Variants in SYBU observed in about 807,000 individuals in gnomAD.
SYBU encodes GOLSYN A protein.
Under a neutral mutation model 35.9 loss-of-function variants are expected in SYBU, and 21 were observed. The ratio of observed to expected loss-of-function variants is 0.58; its 90% confidence interval spans 0.41 to 0.84. The LOEUF (loss-of-function observed/expected upper bound fraction) is 0.84. Among genes scored for constraint, SYBU ranks in the 40% least tolerant of loss-of-function variants. SYBU has a pLI of 0.00. For synonymous variants in SYBU, 319 were observed against 324.3 expected (o/e 0.98, Z 0.18); for missense variants, 768 against 848.2 (o/e 0.91, Z 1.17).
At chr8:109,652,170 A>C (rs972823975) in intron 1 of SYBU, among the ~76,000 whole-genome samples, 1 of 152,250 alleles carries the variant, frequency 6.6e-6, no homozygotes, top group African/African-American at 2.4e-5. Flanking sequence ...GTGTGTTTGC[A>C]TGAGATCTGG....
At chr8:109,689,189 T>C (rs1817588171) in intron 1 of SYBU, among the ~76,000 whole-genome samples, 1 of 152,186 alleles carries the variant, frequency 6.6e-6, no homozygotes, top group Non-Finnish European at 1.5e-5. Context: ...GTAAAGATAG[T>C]ACAGAGAGAT....
upstream of SYBU, among the ~76,000 whole-genome samples, chr8:109,684,089 A>G (rs1817465291): frequency 6.6e-6 from 1 of 152,188 alleles, no homozygotes; most frequent in African/African-American, 2.4e-5. Flanking sequence ...CTAATGCATA[A>G]CTTTATTATT....
At chr8:109,613,932 C>A (rs1811463825) in intron 3 of SYBU, among the ~76,000 whole-genome samples, 1 of 152,194 alleles carries the variant, frequency 6.6e-6, no homozygotes, top group South Asian at 2.1e-4. Flanking sequence ...TTAGCTAGGT[C>A]TCCAATTTCA....
intron 1 of SYBU, among the ~76,000 whole-genome samples, chr8:109,672,809 G>A (rs1454351812): frequency 6.6e-6 from 1 of 152,214 alleles, no homozygotes; most frequent in Non-Finnish European, 1.5e-5. Flanking sequence ...CAGCACAGCA[G>A]TCTGAAGTCA....
At chr8:109,596,414 T>A (rs746157328) in intron 3 of SYBU, among the ~76,000 whole-genome samples, 14 of 152,174 alleles carry the variant, frequency 9.2e-5, no homozygotes, top group Non-Finnish European at 1.6e-4. Flanking sequence ...CACCAATCCA[T>A]CACAAAAACT....
At chr8:109,639,767 C>A (rs532383553) in intron 2 of SYBU, among the ~76,000 whole-genome samples, 2 of 152,282 alleles carry the variant, frequency 1.3e-5, no homozygotes, top group East Asian at 3.9e-4. Context: ...TGGATTAAAA[C>A]GAGCGATTTC....
intron 2 of SYBU, among the ~76,000 whole-genome samples, chr8:109,631,464 C>T (rs527662956): frequency 2.0e-5 from 3 of 152,220 alleles, no homozygotes; most frequent in South Asian, 4.2e-4. Flanking sequence ...GTCACTCTGG[C>T]GAAGCCCTGG....
At chr8:109,689,589 C>A (rs1396552580) in intron 1 of SYBU, among the ~76,000 whole-genome samples, 1 of 152,140 alleles carries the variant, frequency 6.6e-6, no homozygotes, top group Non-Finnish European at 1.5e-5. Flanking sequence ...TTCTCAGGCT[C>A]CCAAAGTTCT....
Position 109,691,442 on chromosome 8 carries a change from G to A in SYBU, c.-167C>T. 2 of 662,218 alleles carry A rather than the reference G, an allele frequency of 3.0e-6. No homozygotes were observed. The highest frequency in any genetic ancestry group is 3.0e-5 in the East Asian group (1 of 33,170). 41.0% of individuals were successfully genotyped at this position (662,218 alleles called of 1,614,324 possible). On this transcript the variant is annotated 5_prime_UTR_variant, in exon 1 of 8. Coordinates refer to the SYBU transcript ENST00000422135. This position sits in a 1 kb window ranked among gnomAD's most constrained non-coding sequence, Gnocchi z 4.7. ...GGTGCCGGTGCGGACGGGACCCCGC[G>A]TCGCTGCTGGTTTGCGCTCAGGCCC...
Position 109,622,009 on chromosome 8 carries a change from C to T in SYBU, c.230-2970G>A, listed in dbSNP as rs2703378. 5.1e-4 allele frequency among the ~76,000 whole-genome samples: 78 copies of T among 152,284 alleles called. 2 individuals are homozygous for T. In the East Asian group the frequency reaches 0.014, roughly 28 times the overall value. The stretch of plus-strand genomic sequence containing the variant: ...ATTTAGGGCTCCTTCTCTGCTCTCC[C>T]TCCTCCTTTCTTCCTCTTCATGGCC... On this transcript the variant is annotated intron_variant, in intron 2 of 6. Transcript: ENST00000276646.
chr8:109,574,957 G>A lies in SYBU; in HGVS notation c.1941C>T (p.Cys647=), dbSNP rs1234507303. 2.0e-6 allele frequency: 3 copies of A among 1,519,784 alleles called. No individual in the cohort carries two copies. Among genetic ancestry groups the A allele is most frequent in the East Asian group, 2.3e-5 (1 of 44,046 alleles). 94.1% of individuals were successfully genotyped at this position (1,519,784 alleles called of 1,614,324 possible). A position where few individuals can be genotyped will look rare whatever the true frequency, so the allele number is the denominator to read the frequency against. The change falls in exon 7 of 7, where the codon TGC becomes TGT. Residue 647 remains cysteine (C), a synonymous_variant. Coordinates refer to ENST00000276646, the MANE Select transcript of SYBU (RefSeq NM_001099754.2). ...GGCGGAGCGAATGCAGGGCAACCAC[G>A]CAACAGCCCCTGAGCAAGGCCCCGA... The part of the protein sequence containing the change: ...YNIGALLRGC[C]VVALHSLRRT...
chr8:109,601,533 A>G (rs979014268), intron 3 of SYBU, among the ~76,000 whole-genome samples: 3 of 152,198 alleles, frequency 2.0e-5, no homozygotes, highest in Non-Finnish European at 4.4e-5. Flanking sequence ...GAATACAATG[A>G]GTGCAAACAG....
At chr8:109,642,706 T>C (rs755651094) in intron 2 of SYBU, 22 bp downstream of exon 2, 1 of 1,540,978 alleles carries the variant, frequency 6.5e-7, no homozygotes, top group South Asian at 1.2e-5. Context: ...ACGCCTCTGG[T>C]GGCCTCCCGA....
At chr8:109,684,739 GA>G (rs1817480947), upstream of SYBU, among the ~76,000 whole-genome samples, 1 of 152,206 alleles carries the variant, frequency 6.6e-6, no homozygotes, top group Non-Finnish European at 1.5e-5. Flanking sequence ...ACTTAGGGTA[GA>G]GGGTAGAGAG....
intron 3 of SYBU, among the ~76,000 whole-genome samples, chr8:109,613,401 A>G (rs1054008694): frequency 5.9e-5 from 9 of 152,164 alleles, no homozygotes; most frequent in Admixed American, 5.9e-4. Flanking sequence ...TCCATAACCT[A>G]TTTTACAGAT....
chr8:109,645,408 C>T, upstream of SYBU: 2 of 444,488 alleles, frequency 4.5e-6, no homozygotes, highest in South Asian at 1.6e-5. Context: ...GTGGTCAGCG[C>T]AGCTCCCTCC....
chr8:109,597,494 G>A (rs976740656), intron 3 of SYBU, among the ~76,000 whole-genome samples: 8 of 152,016 alleles, frequency 5.3e-5, no homozygotes, highest in Non-Finnish European at 1.0e-4. Flanking sequence ...GAGATAGGCA[G>A]ATCAATTGAG....
intron 3 of SYBU, among the ~76,000 whole-genome samples, chr8:109,590,795 G>A (rs1183908302): frequency 6.7e-6 from 1 of 149,080 alleles, no homozygotes; most frequent in Non-Finnish European, 1.5e-5. Context: ...CAGAAAAATG[G>A]GCCAAGGACA....
intron 3 of SYBU, among the ~76,000 whole-genome samples, chr8:109,594,945 G>A (rs534160308): frequency 4.6e-5 from 7 of 152,222 alleles, no homozygotes; most frequent in Admixed American, 2.0e-4. Flanking sequence ...GGAAAGACAA[G>A]CTCTCTGAGC....
Sources: allele counts gnomAD v4.1 joint callset (sites outside exome capture counted in the v4.1 genomes callset), GRCh38; gene constraint gnomAD v4.1.1; non-coding constraint Gnocchi (gnomAD v3.1); transcripts MANE v1.5; gene names NCBI Gene and HGNC (gene_info 2026-07-23, HGNC 2026-07-21).